Variants in FRMD6 observed in about 807,000 individuals in gnomAD.
FRMD6 encodes the protein FERM domain containing 6.
Under a neutral mutation model 73.2 loss-of-function variants are expected in FRMD6, and 37 were observed. The observed-to-expected ratio is 0.51, with a 90% CI of 0.39 to 0.66. The LOEUF (loss-of-function observed/expected upper bound fraction) is 0.66. FRMD6 is among the 30% of genes least tolerant of loss of function. The probability of loss-of-function intolerance (pLI) is 0.00; values close to 1 mark genes in which losing one functional copy is unlikely to be tolerated. For missense variants in FRMD6, 714 were observed against 780.5 expected (o/e 0.91, Z 1.02); for synonymous variants, 273 against 282.2 (o/e 0.97, Z 0.33).
chr14:51,494,188 GTCTTAA>G (rs1279843984), intron 1 of FRMD6, among the ~76,000 whole-genome samples: 2 of 152,122 alleles, frequency 1.3e-5, no homozygotes, highest in African/African-American at 4.8e-5. Flanking sequence ...AGCGCCAAGA[GTCTTAA>G]CTTATTTCAG....
intron 1 of FRMD6, among the ~76,000 whole-genome samples, chr14:51,549,054 G>A (rs1186695534): frequency 6.6e-6 from 1 of 152,192 alleles, no homozygotes; most frequent in African/African-American, 2.4e-5. Context: ...AGTTATGATT[G>A]CCAGAAAGTC....
chr14:51,668,652 C>T (rs986317344), intron 1 of FRMD6, among the ~76,000 whole-genome samples: 5 of 150,904 alleles, frequency 3.3e-5, no homozygotes, highest in East Asian at 2.0e-4. Context: ...CTGTGAAGCT[C>T]GAATGAAATA....
intron 1 of FRMD6, among the ~76,000 whole-genome samples, chr14:51,516,527 T>C (rs1220771574): frequency 1.3e-5 from 2 of 152,188 alleles, no homozygotes; most frequent in Admixed American, 6.5e-5. Flanking sequence ...TGTGCACATG[T>C]GTGTATCTTT....
chr14:51,439,940 C>T, the FRMD6 span, among the ~76,000 whole-genome samples: 1 of 152,114 alleles, frequency 6.6e-6, no homozygotes, highest in East Asian at 1.9e-4. Context: ...AAGAGTCCCT[C>T]CTCCCAACAA....
rs532868002 is a variant in FRMD6 at position 51,581,863 on chromosome 14, T to C, written c.-147+11453T>C. Among the ~76,000 whole-genome samples the C allele has an allele frequency of 3.0e-4, 45 of 152,340 alleles. 1 individual carries two copies. The highest frequency in any genetic ancestry group is 9.6e-4 in the African/African-American group (40 of 41,586). On this transcript the variant is annotated intron_variant, in intron 2 of 14. Coordinates refer to the FRMD6 transcript ENST00000356218. ...GTATGAAGCTTGAATCAGACAGCTA[T>C]ACATAGAGTGAAAGTAGTGTCATCC...
At chr14:51,441,368 C>T in the FRMD6 span, among the ~76,000 whole-genome samples, 5,799 of 152,292 alleles carry the variant, frequency 0.038, 164 homozygotes, top group Non-Finnish European at 0.057. Flanking sequence ...TCTATAGAGG[C>T]TTGTGGCTAT....
At chr14:51,643,210 C>T (rs1481565385) in intron 2 of FRMD6, among the ~76,000 whole-genome samples, 2 of 149,842 alleles carry the variant, frequency 1.3e-5, no homozygotes, top group Non-Finnish European at 3.0e-5. Flanking sequence ...TACATATAAA[C>T]GTCACAGATC....
At chr14:51,446,378 GT>G in the FRMD6 span, among the ~76,000 whole-genome samples, 1 of 150,972 alleles carries the variant, frequency 6.6e-6, no homozygotes, top group Admixed American at 6.6e-5. Flanking sequence ...CTGCCCAAGA[GT>G]ATATGAGGGA....
At chr14:51,614,901 T>A (rs533641955) in intron 2 of FRMD6, among the ~76,000 whole-genome samples, 1 of 152,268 alleles carries the variant, frequency 6.6e-6, no homozygotes, top group African/African-American at 2.4e-5. Context: ...TTCTTGTGCT[T>A]ATGAATACAT....
intron 2 of FRMD6, among the ~76,000 whole-genome samples, chr14:51,583,306 GGTTT>G (rs1016112109): frequency 2.0e-5 from 3 of 152,144 alleles, no homozygotes; most frequent in East Asian, 3.8e-4. Flanking sequence ...GTTTAGAATA[GGTTT>G]GTTTGTTTGT....
intron 1 of FRMD6, among the ~76,000 whole-genome samples, chr14:51,543,534 T>C (rs1886307321): frequency 6.6e-6 from 1 of 152,006 alleles, no homozygotes; most frequent in Non-Finnish European, 1.5e-5. Context: ...TCATCAAAAA[T>C]TTATTGAGCA....
chr14:51,428,665 G>C, the FRMD6 span, among the ~76,000 whole-genome samples: 1 of 152,096 alleles, frequency 6.6e-6, no homozygotes, highest in Non-Finnish European at 1.5e-5. Flanking sequence ...TAAATAATTA[G>C]GGGCTAGAGG....
chr14:51,401,235 A>G, the FRMD6 span, among the ~76,000 whole-genome samples: 1 of 152,250 alleles, frequency 6.6e-6, no homozygotes, highest in African/African-American at 2.4e-5. Flanking sequence ...AAGACATGGC[A>G]GAAAAACACC....
the FRMD6 span, among the ~76,000 whole-genome samples, chr14:51,434,434 C>G: frequency 1.3e-5 from 2 of 152,064 alleles, no homozygotes; most frequent in African/African-American, 4.8e-5. Context: ...TACTCAAAAA[C>G]TGATGGGGAC....
intron 1 of FRMD6, among the ~76,000 whole-genome samples, chr14:51,498,701 G>A (rs1264353355): frequency 6.6e-6 from 1 of 152,120 alleles, no homozygotes; most frequent in Non-Finnish European, 1.5e-5. Context: ...AGCTTCAACA[G>A]GCAAGCATTT....
chr14:51,593,989 A>G (rs1246129784), intron 2 of FRMD6, among the ~76,000 whole-genome samples: 1 of 152,142 alleles, frequency 6.6e-6, no homozygotes, highest in African/African-American at 2.4e-5. Flanking sequence ...GCATTTACAG[A>G]TATACTCAGA....
chr14:51,712,797 A>G (rs1308623941), intron 9 of FRMD6, among the ~76,000 whole-genome samples: 16 of 152,198 alleles, frequency 1.1e-4, no homozygotes, highest in Admixed American at 1.0e-3. Context: ...TCTTATAGCA[A>G]AAGAAGTTAG....
chr14:51,614,618 A>G (rs1890639388), intron 2 of FRMD6, among the ~76,000 whole-genome samples: 1 of 152,244 alleles, frequency 6.6e-6, no homozygotes, highest in African/African-American at 2.4e-5. Flanking sequence ...TCAGAGAAAT[A>G]TCCTGAGGCA....
At chr14:51,465,620 T>G in the FRMD6 span, among the ~76,000 whole-genome samples, 1 of 152,248 alleles carries the variant, frequency 6.6e-6, no homozygotes, top group African/African-American at 2.4e-5. Context: ...TCCATGGTGT[T>G]GCATGTATCA....
Sources: allele counts gnomAD v4.1 joint callset (sites outside exome capture counted in the v4.1 genomes callset), GRCh38; gene constraint gnomAD v4.1.1; transcripts MANE v1.5; gene names NCBI Gene and HGNC (gene_info 2026-07-23, HGNC 2026-07-21).